The following BMPR2 variants were observed in gnomAD, a reference collection of about 807,000 sequenced individuals.
BMPR2 encodes the protein bone morphogenetic protein receptor type 2.
A neutral mutation model predicts 100.8 loss-of-function variants in BMPR2; 29 were observed. The observed-to-expected ratio is 0.29, with a 90% CI of 0.21 to 0.39. BMPR2 has a LOEUF of 0.39. BMPR2 is among the 10% of genes least tolerant of loss of function. The pLI, the probability that BMPR2 is intolerant of heterozygous loss-of-function variation, is 1.00. For synonymous variants in BMPR2, 382 were observed against 442.3 expected (o/e 0.86, Z 1.71); for missense variants, 1,011 against 1,274.5 (o/e 0.79, Z 3.15).
In BMPR2 at chr2:202,512,184, G is replaced by A. The variant is rs1333633643; in HGVS notation, c.419-1535G>A. Among the ~76,000 whole-genome samples the A allele has an allele frequency of 2.3e-4, 35 of 152,102 alleles. 2 individuals carry two copies. Among genetic ancestry groups the A allele is most frequent in the Admixed American group, 2.3e-3 (35 of 15,274 alleles). On this transcript the variant is annotated intron_variant, in intron 3 of 12. Coordinates refer to ENST00000374580, the MANE Select transcript of BMPR2 (RefSeq NM_001204.7). ...TGAGACAAATAAATTCATTAAAACA[G>A]GAATGCCCATTAGAGGAACTCTTTG...
chr2:202,460,421 A>G (rs984073924), intron 1 of BMPR2, among the ~76,000 whole-genome samples: 1 of 152,248 alleles, frequency 6.6e-6, no homozygotes, highest in Non-Finnish European at 1.5e-5. Flanking sequence ...ACATTAGAAT[A>G]TCCATGCTAT....
chr2:202,520,308 T>C, intron 7 of BMPR2, 107 bp downstream of exon 7: 2 of 803,084 alleles, frequency 2.5e-6, no homozygotes, highest in East Asian at 5.3e-5. Context: ...TTATTGGAGA[T>C]TTATTATTAG....
intron 3 of BMPR2, among the ~76,000 whole-genome samples, chr2:202,469,852 A>G (rs1286252097): frequency 6.6e-6 from 1 of 152,200 alleles, no homozygotes; most frequent in African/African-American, 2.4e-5. Flanking sequence ...GGGGGGGAAA[A>G]AAAGCCCTGA....
chr2:202,518,127 C>CTTTTTTTT (rs35869694), intron 5 of BMPR2, among the ~76,000 whole-genome samples: 1 of 77,018 alleles, frequency 1.3e-5, no homozygotes, highest in Non-Finnish European at 2.5e-5. Flanking sequence ...CGCCTGGCCT[C>CTTTTTTTT]TTTTTTTTTT....
chr2:202,478,798 A>C (rs1692601109), intron 3 of BMPR2, among the ~76,000 whole-genome samples: 1 of 152,060 alleles, frequency 6.6e-6, no homozygotes, highest in Non-Finnish European at 1.5e-5. Context: ...GTGGTGGTGC[A>C]TGTTGTAGTC....
At chr2:202,419,234 AT>A (rs1691205475) in intron 1 of BMPR2, among the ~76,000 whole-genome samples, 1 of 152,152 alleles carries the variant, frequency 6.6e-6, no homozygotes, top group Non-Finnish European at 1.5e-5. Context: ...TGTTTTAACA[AT>A]TTACTTTTTT....
At chr2:202,535,478 C>G (rs997246838) in intron 9 of BMPR2, among the ~76,000 whole-genome samples, 37 of 151,070 alleles carry the variant, frequency 2.4e-4, no homozygotes, top group Non-Finnish European at 5.0e-4. Flanking sequence ...CCCCACATCT[C>G]AGACGATGGG....
In BMPR2 at chr2:202,444,595, TG is replaced by T. The variant is rs1691814385; in HGVS notation, c.77-20213del. On this transcript the variant is annotated intron_variant, in intron 1 of 12. Coordinates refer to ENST00000374580, the MANE Select transcript of BMPR2 (RefSeq NM_001204.7). ...GGAACACTTTTGTGTTGAAATGTTT[TG>T]TGGAGGTCACTAGTGATTTTTAGAA... is the stretch of plus-strand genomic sequence containing the variant. Among the ~76,000 whole-genome samples, 3 of 150,754 alleles carry T rather than the reference TG, an allele frequency of 2.0e-5. 1 individual carries two copies. The highest frequency in any genetic ancestry group is 7.5e-5 in the African/African-American group (3 of 40,042).
chr2:202,476,746 G>A (rs907724899), intron 3 of BMPR2, among the ~76,000 whole-genome samples: 4 of 151,898 alleles, frequency 2.6e-5, no homozygotes, highest in African/African-American at 4.8e-5. Context: ...CTGAGATTGC[G>A]CCATTGCACT....
intron 1 of BMPR2, among the ~76,000 whole-genome samples, chr2:202,434,908 A>AAAAAAAAATAATATATATATATAT (rs1559037398): frequency 2.6e-5 from 1 of 38,414 alleles, no homozygotes; most frequent in African/African-American, 1.1e-4. Context: ...AAAAAAAAAA[A>AAAAAAAAATAATATATATATATAT]ATATATATAT....
intron 3 of BMPR2, among the ~76,000 whole-genome samples, chr2:202,492,679 G>A (rs1294036597): frequency 1.0e-4 from 11 of 110,188 alleles, no homozygotes; most frequent in Admixed American, 1.4e-4. Context: ...TAGCCTGGGC[G>A]ACAATAGCGA....
chr2:202,543,919 C>T (rs527356367), intron 10 of BMPR2, among the ~76,000 whole-genome samples: 3 of 152,212 alleles, frequency 2.0e-5, no homozygotes, highest in African/African-American at 4.8e-5. Context: ...AAGTTATCAT[C>T]CATCACTTGA....
At chr2:202,404,922 C>T (rs992526961) in intron 1 of BMPR2, among the ~76,000 whole-genome samples, 12 of 152,182 alleles carry the variant, frequency 7.9e-5, no homozygotes, top group East Asian at 1.9e-4. Context: ...CTTCCAGGCT[C>T]AAGCAATCCT....
At position 202,556,497 on chromosome 2, in the gene BMPR2, A is replaced by G. The variant is rs1315414301; in HGVS notation, c.2832A>G (p.Ser944=). 1.9e-6 allele frequency: 3 copies of G among 1,613,910 alleles called. No individual in the cohort carries two copies. Among genetic ancestry groups the G allele is most frequent in the Non-Finnish European group, 2.5e-6 (3 of 1,180,042 alleles). ...RAQRPNSLDL[S]ATNVLDGSSI... ...AGAGGCCTAATTCTCTGGATCTTTC[A>G]GCCACAAATGTCCTGGATGGCAGCA... Residue 944 remains serine, a synonymous_variant, in exon 12 of 13, where the codon TCA becomes TCG. Transcript: ENST00000374580.
At chr2:202,482,076 T>C (rs928812685) in intron 3 of BMPR2, among the ~76,000 whole-genome samples, 2 of 152,200 alleles carry the variant, frequency 1.3e-5, no homozygotes, top group Non-Finnish European at 2.9e-5. Context: ...TAGAATCATA[T>C]CATATTTGTC....
intron 3 of BMPR2, among the ~76,000 whole-genome samples, chr2:202,485,791 C>T (rs544464120): frequency 3.0e-4 from 46 of 151,964 alleles, no homozygotes; most frequent in Admixed American, 2.3e-3. Flanking sequence ...GTGATTCGCC[C>T]GCCTGGGCCT....
intron 1 of BMPR2, among the ~76,000 whole-genome samples, chr2:202,409,880 T>C (rs1009489870): frequency 1.3e-5 from 2 of 152,184 alleles, no homozygotes; most frequent in African/African-American, 4.8e-5. Flanking sequence ...TTAGAAAATA[T>C]TGTGGATAAT....
Position 202,520,215 on chromosome 2 carries a change from T to C in BMPR2, c.967+14T>C. On this transcript the variant is annotated intron_variant, in intron 7 of 12. Coordinates refer to ENST00000374580, the MANE Select transcript of BMPR2 (RefSeq NM_001204.7). ...TACCACGAGGAGGTAAGATAGTCAA[T>C]AGATGAAATTGACACTCATGTGGGT... 6.4e-7 allele frequency: 1 copy of C among 1,574,642 alleles called. No homozygotes were observed. The highest frequency in any genetic ancestry group is 8.7e-7 in the Non-Finnish European group (1 of 1,144,148).
intron 1 of BMPR2, among the ~76,000 whole-genome samples, chr2:202,447,067 G>T (rs1038843930): frequency 7.4e-5 from 11 of 149,582 alleles, no homozygotes; most frequent in Non-Finnish European, 1.5e-5. Context: ...CAGCACTTTG[G>T]GAGGCCGAGG....
Sources: gnomAD v4.1 joint callset for allele counts (sites outside exome capture counted in the v4.1 genomes callset) on GRCh38, gnomAD v4.1.1 for gene constraint, MANE v1.5 for transcripts, NCBI Gene and HGNC (gene_info 2026-07-23, HGNC 2026-07-21) for gene names.